The following CDK11B variants were observed in gnomAD, a reference collection of about 807,000 sequenced individuals.
The protein encoded by CDK11B is cyclin-dependent kinase 11B.
CDK11B carries 37 observed loss-of-function variants against 84.0 expected under a neutral mutation model. That is an observed-to-expected ratio of 0.44 (90% CI 0.34 to 0.58). The LOEUF (loss-of-function observed/expected upper bound fraction) is 0.58, where lower values mean the gene tolerates loss of function less well. Ranked by LOEUF, CDK11B falls within the 20% of genes least tolerant of loss-of-function variation. The probability of loss-of-function intolerance (pLI) is 0.02; values close to 1 mark genes in which losing one functional copy is unlikely to be tolerated. For synonymous variants in CDK11B, 269 were observed against 309.8 expected (o/e 0.87, Z 1.38); for missense variants, 427 against 834.0 (o/e 0.51, Z 6.01).
intron 3 of CDK11B, 143 bp downstream of exon 3, chr1:1,655,226 A>T (rs2101011044): frequency 2.8e-6 from 3 of 1,057,758 alleles, no homozygotes; most frequent in East Asian, 2.7e-5. Context: ...AAACCTCAAT[A>T]GTTACGCTAT....
In CDK11B at chr1:1,641,354, A is replaced by C. The variant is rs879001933; in HGVS notation, c.1010-241T>G. On this transcript the variant is annotated intron_variant, in intron 9 of 19. Coordinates refer to ENST00000341832, the MANE Select transcript of CDK11B (RefSeq NM_033486.3). ...TGAAACCCCGTCTCGACTAAAAATAAAAAAATTATCCGGGCGTGCTGGCGC... is the reference window on the plus strand; with the variant it reads ...TGAAACCCCGTCTCGACTAAAAATACAAAAATTATCCGGGCGTGCTGGCGC... 1.5e-3 allele frequency among the ~76,000 whole-genome samples: 217 copies of C among 145,778 alleles called. 11 individuals carry two copies. In the South Asian group the frequency reaches 0.022, roughly 15 times the overall value.
intron 11 of CDK11B, among the ~76,000 whole-genome samples, chr1:1,639,977 G>A (rs1474610632): frequency 6.6e-5 from 10 of 151,612 alleles, no homozygotes; most frequent in African/African-American, 9.7e-5. Context: ...TCTCCAGTGC[G>A]GAGGAGGACG....
At chr1:1,653,600 C>T (rs1294100147) in intron 3 of CDK11B, among the ~76,000 whole-genome samples, 2 of 151,874 alleles carry the variant, frequency 1.3e-5, no homozygotes, top group Non-Finnish European at 2.9e-5. Flanking sequence ...GGATTACAGG[C>T]GCGAGCTACT....
chr1:1,656,714 C>A (rs1350166736), intron 2 of CDK11B, among the ~76,000 whole-genome samples: 3 of 152,044 alleles, frequency 2.0e-5, no homozygotes, highest in Non-Finnish European at 4.4e-5. Flanking sequence ...GGCGTGAACC[C>A]GGCCCTGGGC....
At position 1,636,697 on chromosome 1, in the gene CDK11B, G is replaced by A; in HGVS notation, c.1902C>T (p.Ile634=). 1.2e-6 allele frequency: 2 copies of A among 1,614,000 alleles called. No homozygotes were observed. The highest frequency in any genetic ancestry group is 1.7e-6 in the Non-Finnish European group (2 of 1,179,868). The change falls in exon 17 of 20, where the codon ATC becomes ATT. Residue 634 remains isoleucine (I), a synonymous_variant. Transcript: ENST00000341832. The part of the protein sequence containing the change: ...LFPGKSEIDQ[I]NKVFKDLGTP... The stretch of plus-strand genomic sequence containing the variant: ...CCAGACCCACCTTGAACACCTTGTT[G>A]ATCTGATCGATTTCTGACTTCCCGG...
chr1:1,655,886 A>AAAAC (rs70937166), intron 2 of CDK11B, among the ~76,000 whole-genome samples: 31 of 152,110 alleles, frequency 2.0e-4, no homozygotes, highest in African/African-American at 5.3e-4. Context: ...CGTATCAGGG[A>AAAAC]AAACAAACAA....
At chr1:1,648,073 T>C (rs1464593234) in intron 5 of CDK11B, among the ~76,000 whole-genome samples, 4 of 152,294 alleles carry the variant, frequency 2.6e-5, no homozygotes, top group African/African-American at 2.4e-5. Flanking sequence ...TCTCCCTACG[T>C]TGCCCAGGCT....
Position 1,650,783 on chromosome 1 carries a change from T to C in CDK11B, c.356-1146A>G, listed in dbSNP as rs1416480722. Among the ~76,000 whole-genome samples, 3 of 150,578 alleles carry C rather than the reference T, an allele frequency of 2.0e-5. 1 individual carries two copies. The East Asian group carries it at 5.9e-4, about 30-fold the overall frequency. On this transcript the variant is annotated intron_variant, in intron 4 of 19. Transcript: ENST00000341832. ...TGCTGGGATTACAGGCCTGGGCCAC[T>C]GCACCCAGCCGAATAATCATGATTT...
intron 5 of CDK11B, 108 bp downstream of exon 5, chr1:1,649,391 A>T: frequency 1.2e-6 from 1 of 837,580 alleles, no homozygotes; most frequent in South Asian, 1.6e-5. Flanking sequence ...GTGAGCCACC[A>T]CACCTGGCTC....
At chr1:1,638,738 G>A in intron 11 of CDK11B, 148 bp from the exon 12 acceptor site, 1 of 758,410 alleles carries the variant, frequency 1.3e-6, no homozygotes, top group Non-Finnish European at 2.3e-6. Flanking sequence ...GAGCAGCTCA[G>A]TTCTTTCAAA....
chr1:1,637,286 A>G, intron 14 of CDK11B, 84 bp from the exon 15 acceptor site: 1 of 1,578,922 alleles, frequency 6.3e-7, no homozygotes, highest in Non-Finnish European at 8.6e-7. Flanking sequence ...CGGCAGCAAC[A>G]GAGGCTTCTC....
In CDK11B at chr1:1,640,301, C is replaced by T. The variant is rs1335881649; in HGVS notation, c.1227G>A (p.Leu409=). ...ALSPIELKQE[L]PKYLPALQGC... The stretch of plus-strand genomic sequence containing the variant: ...CCTGCAGGGCCGGCAGGTACTTGGG[C>T]AGCTCCTGCTTGAGCTCGATGGGCG... The change falls in exon 11 of 20, where the codon CTG becomes CTA. Residue 409 remains leucine, a synonymous_variant. Coordinates refer to ENST00000341832, the MANE Select transcript of CDK11B (RefSeq NM_033486.3). The T allele has an allele frequency of 6.2e-7, 1 of 1,613,600 alleles. No individual in the cohort carries two copies. The highest frequency in any genetic ancestry group is 8.5e-7 in the Non-Finnish European group (1 of 1,179,652).
intron 12 of CDK11B, 94 bp from the exon 13 acceptor site, chr1:1,637,977 A>C: frequency 3.2e-6 from 5 of 1,555,420 alleles, no homozygotes; most frequent in Non-Finnish European, 4.4e-6. Flanking sequence ...CAGTGCCCAA[A>C]GCGCCAGCAT....
intron 5 of CDK11B, chr1:1,646,422 G>C (rs747919806): frequency 1.9e-6 from 1 of 519,816 alleles, no homozygotes; most frequent in African/African-American, 1.9e-5. Flanking sequence ...ACTAGCTCAA[G>C]TCCAGTACAA....
intron 15 of CDK11B, 31 bp from the exon 16 acceptor site, chr1:1,637,035 G>A (rs769759032): frequency 5.6e-6 from 9 of 1,613,044 alleles, no homozygotes; most frequent in Admixed American, 1.7e-5. Flanking sequence ...CTGTGAGTGG[G>A]CCCCGGCAGG....
Position 1,655,598 on chromosome 1 carries a change from A to G in CDK11B, c.112-114T>C, listed in dbSNP as rs980769953. Reference sequence around the variant, plus strand: ...GCAACATCCCAAAACAAACTTTCATATATACTCTGAATGAGCCAGTGTTAT... The same window carrying G: ...GCAACATCCCAAAACAAACTTTCATGTATACTCTGAATGAGCCAGTGTTAT... On this transcript the variant is annotated intron_variant, in intron 2 of 19. Coordinates refer to ENST00000341832, the MANE Select transcript of CDK11B (RefSeq NM_033486.3). The G allele has an allele frequency of 9.2e-6, 13 of 1,408,700 alleles. 1 individual carries two copies. The Admixed American group carries it at 1.3e-4, about 14-fold the overall frequency. 87.3% of individuals were successfully genotyped at this position (1,408,700 alleles called of 1,614,324 possible). A position where few individuals can be genotyped will look rare whatever the true frequency, so the allele number is the denominator to read the frequency against.
intron 4 of CDK11B, among the ~76,000 whole-genome samples, chr1:1,651,281 T>C (rs1641966679): frequency 1.3e-5 from 2 of 152,188 alleles, no homozygotes; most frequent in African/African-American, 4.8e-5. Context: ...AACAATATAA[T>C]GGGGGAGAGA....
At chr1:1,650,486 C>A (rs1266220562) in intron 4 of CDK11B, among the ~76,000 whole-genome samples, 31 of 149,790 alleles carry the variant, frequency 2.1e-4, no homozygotes, top group Non-Finnish European at 3.9e-4. Flanking sequence ...CTGCCTCAGC[C>A]TCCCGAGTAG....
At chr1:1,647,607 T>C (rs1641340333) in intron 5 of CDK11B, among the ~76,000 whole-genome samples, 1 of 152,256 alleles carries the variant, frequency 6.6e-6, no homozygotes, top group Non-Finnish European at 1.5e-5. Flanking sequence ...TCACGCGTCA[T>C]TCGCATCTGT....
Sources: allele counts gnomAD v4.1 joint callset (sites outside exome capture counted in the v4.1 genomes callset), GRCh38; gene constraint gnomAD v4.1.1; transcripts MANE v1.5; gene names NCBI Gene and HGNC (gene_info 2026-07-23, HGNC 2026-07-21).